The following RANBP17 variants were observed in gnomAD, a reference collection of about 807,000 sequenced individuals.
RANBP17 encodes the protein RAN binding protein 17, also known as ran-binding protein 17.
RANBP17 carries 158 observed loss-of-function variants against 141.2 expected under a neutral mutation model. The observed-to-expected ratio is 1.12, with a 90% confidence interval of 0.98 to 1.28. RANBP17 has a LOEUF of 1.28. RANBP17 is among the 50% of genes most tolerant of loss of function. The pLI is 0.00. For missense variants in RANBP17, 1,438 were observed against 1,290.7 expected (o/e 1.11, Z -1.75); for synonymous variants, 430 against 450.0 (o/e 0.96, Z 0.56).
intron 14 of RANBP17, among the ~76,000 whole-genome samples, chr5:171,122,846 T>C (rs1016268674): frequency 5.3e-5 from 8 of 152,300 alleles, no homozygotes; most frequent in Admixed American, 3.3e-4. Flanking sequence ...CATTCTGCCC[T>C]GGAGCCCAGC....
At chr5:170,907,987 C>T (rs1178959519) in intron 5 of RANBP17, among the ~76,000 whole-genome samples, 1 of 151,886 alleles carries the variant, frequency 6.6e-6, no homozygotes, top group African/African-American at 2.4e-5. Flanking sequence ...CATTTCACAC[C>T]AGTCAGAATG....
At chr5:171,137,858 G>A (rs762425715) in intron 14 of RANBP17, among the ~76,000 whole-genome samples, 1 of 150,478 alleles carries the variant, frequency 6.6e-6, no homozygotes, top group African/African-American at 2.4e-5. Flanking sequence ...TTTAATGTCC[G>A]GGATTTCCTA....
At chr5:171,052,889 G>A (rs946737368) in intron 14 of RANBP17, among the ~76,000 whole-genome samples, 1 of 150,582 alleles carries the variant, frequency 6.6e-6, no homozygotes, top group African/African-American at 2.4e-5. Flanking sequence ...TTTCACTGTT[G>A]TTGCCCAGGC....
chr5:171,046,300 C>A (rs1782583071), intron 14 of RANBP17, among the ~76,000 whole-genome samples: 1 of 151,270 alleles, frequency 6.6e-6, no homozygotes, highest in African/African-American at 2.4e-5. Flanking sequence ...CCTCTGCCTC[C>A]TGGGTTCAAG....
intron 14 of RANBP17, among the ~76,000 whole-genome samples, chr5:171,045,596 G>C (rs1324958608): frequency 6.6e-6 from 1 of 152,040 alleles, no homozygotes; most frequent in African/African-American, 2.4e-5. Context: ...GAGAACAAAG[G>C]CTTTAGTAAT....
intron 14 of RANBP17, among the ~76,000 whole-genome samples, chr5:171,160,424 T>C (rs961855259): frequency 2.0e-4 from 31 of 152,216 alleles, no homozygotes; most frequent in Non-Finnish European, 4.4e-4. Context: ...GTAATACTTA[T>C]GAAAATTTTA....
intron 14 of RANBP17, among the ~76,000 whole-genome samples, chr5:171,061,525 G>A (rs1328378888): frequency 6.6e-6 from 1 of 152,110 alleles, no homozygotes; most frequent in Non-Finnish European, 1.5e-5. Flanking sequence ...TGGTCTGAGA[G>A]ACAGTTTGTT....
chr5:171,056,942 C>G (rs1360536713), intron 14 of RANBP17, among the ~76,000 whole-genome samples: 2 of 152,086 alleles, frequency 1.3e-5, no homozygotes, highest in Non-Finnish European at 2.9e-5. Context: ...AAAAATATTT[C>G]ATTTTTTAAT....
At chr5:171,050,907 G>A (rs1782912101) in intron 14 of RANBP17, among the ~76,000 whole-genome samples, 1 of 152,074 alleles carries the variant, frequency 6.6e-6, no homozygotes, top group Non-Finnish European at 1.5e-5. Flanking sequence ...ATTCATGAAG[G>A]ATGTATTCTC....
intron 5 of RANBP17, among the ~76,000 whole-genome samples, chr5:170,902,914 C>T (rs550118407): frequency 6.6e-6 from 1 of 152,276 alleles, no homozygotes; most frequent in Admixed American, 6.5e-5. Flanking sequence ...TAGAGGGGCA[C>T]CTGCCAGATG....
rs535969151 is a variant in RANBP17, at chr5:171,100,444, A to G, written c.1711-69686A>G. ...TTGTATTTCTGTGGGATCAGTGGTG[A>G]TATCCCCTTTATCATTTTTTATTGT... On this transcript the variant is annotated intron_variant, in intron 14 of 27. Transcript: ENST00000523189. Among the ~76,000 whole-genome samples the G allele has an allele frequency of 1.4e-3, 211 of 152,194 alleles. 1 individual carries two copies. Among genetic ancestry groups the G allele is most frequent in the Non-Finnish European group, 2.7e-3 (182 of 67,992 alleles).
Position 170,865,111 on chromosome 5 carries a change from G to A in RANBP17, c.18+3060G>A, listed in dbSNP as rs373548881. 4.1e-4 allele frequency among the ~76,000 whole-genome samples: 63 copies of A among 152,234 alleles called. 1 individual carries two copies. In the South Asian group the frequency reaches 0.013, roughly 31 times the overall value. On this transcript the variant is annotated intron_variant, in intron 1 of 27. Transcript: ENST00000523189. ...AGACAGAATCTTGCTCGCCCAGGCT[G>A]GAGTGCAGTGGTGGAATCTCGGCTA...
At chr5:171,071,006 TG>T (rs530267762) in intron 14 of RANBP17, among the ~76,000 whole-genome samples, 116 of 152,198 alleles carry the variant, frequency 7.6e-4, no homozygotes, top group African/African-American at 2.5e-3. Flanking sequence ...TGCAAGTATA[TG>T]TGCCAGAAAT....
At position 170,925,652 on chromosome 5, in the gene RANBP17, T is replaced by C. The variant is rs183293224; in HGVS notation, c.1468+1102T>C. Among the ~76,000 whole-genome samples the C allele has an allele frequency of 2.4e-3, 365 of 152,304 alleles. 2 individuals carry two copies. The highest frequency in any genetic ancestry group is 8.4e-3 in the African/African-American group (349 of 41,578). ...TTCCTCTTTCCAAATCTGTCCTCTT[T>C]CCTATCAACAGAAAATACTTAACAA... On this transcript the variant is annotated intron_variant, in intron 12 of 27. Coordinates refer to ENST00000523189, the MANE Select transcript of RANBP17 (RefSeq NM_022897.5).
chr5:170,869,667 C>G (rs1274653241), intron 1 of RANBP17, among the ~76,000 whole-genome samples: 1 of 152,132 alleles, frequency 6.6e-6, no homozygotes, highest in Non-Finnish European at 1.5e-5. Context: ...GTCTCTGCAT[C>G]TCAAATCTCC....
chr5:171,174,177 A>G (rs937603642), intron 16 of RANBP17, among the ~76,000 whole-genome samples: 1 of 152,184 alleles, frequency 6.6e-6, no homozygotes, highest in Non-Finnish European at 1.5e-5. Flanking sequence ...GGGTATTTAT[A>G]ATAAATTTAG....
chr5:171,106,671 T>C (rs1303839442), intron 14 of RANBP17, among the ~76,000 whole-genome samples: 1 of 152,070 alleles, frequency 6.6e-6, no homozygotes, highest in Non-Finnish European at 1.5e-5. Context: ...CTTGGAAAAA[T>C]TTTTTCAAAA....
At chr5:170,873,096 A>G (rs1043069129) in intron 1 of RANBP17, among the ~76,000 whole-genome samples, 1 of 152,096 alleles carries the variant, frequency 6.6e-6, no homozygotes, top group African/African-American at 2.4e-5. Flanking sequence ...ATTTTAGTAG[A>G]GATGGGGTTT....
At chr5:171,035,017 C>G (rs1268925617) in intron 14 of RANBP17, among the ~76,000 whole-genome samples, 1 of 150,522 alleles carries the variant, frequency 6.6e-6, no homozygotes, top group African/African-American at 2.4e-5. Context: ...GGACATATGG[C>G]TATAAATAAA....
Sources: allele counts gnomAD v4.1 joint callset (sites outside exome capture counted in the v4.1 genomes callset), GRCh38; gene constraint gnomAD v4.1.1; transcripts MANE v1.5; gene names NCBI Gene and HGNC (gene_info 2026-07-23, HGNC 2026-07-21).